Variants in DUSP16 observed in about 807,000 individuals in gnomAD.
DUSP16 encodes dual specificity phosphatase 16, also known as dual specificity protein phosphatase 16.
In DUSP16, 21 loss-of-function variants were observed where a neutral mutation model predicts 58.3. The ratio of observed to expected loss-of-function variants is 0.36; its 90% CI spans 0.26 to 0.52. The LOEUF (loss-of-function observed/expected upper bound fraction) is 0.52. Ranked by LOEUF, DUSP16 falls within the 20% of genes least tolerant of loss-of-function variation. The probability of loss-of-function intolerance (pLI) is 0.94; values close to 1 mark genes in which losing one functional copy is unlikely to be tolerated. For synonymous variants in DUSP16, 320 were observed against 323.8 expected (o/e 0.99, Z 0.12); for missense variants, 726 against 819.0 (o/e 0.89, Z 1.39).
In DUSP16 at chr12:12,519,932, A is replaced by G. The variant is rs376258770; in HGVS notation, c.297T>C (p.Ser99=). 15 of 1,613,922 alleles carry G rather than the reference A, an allele frequency of 9.3e-6. No homozygotes were observed. The African/African-American group carries it at 1.9e-4, about 20-fold the overall frequency. The change falls in exon 3 of 7, where the codon TCT becomes TCC. Residue 99 remains serine (S), a synonymous_variant. Coordinates refer to ENST00000298573, the MANE Select transcript of DUSP16 (RefSeq NM_030640.3). ...GAAGTACAGTGAGAAAACAGTCTGA[A>G]GAGAGAGAGGCAACATCTTGGGAGC... ...DQSSQDVASL[S]SDCFLTVLLG...
intron 1 of DUSP16, among the ~76,000 whole-genome samples, chr12:12,540,944 C>CTTTTTTTTTTT (rs1199026965): frequency 2.5e-4 from 25 of 100,682 alleles, no homozygotes; most frequent in African/African-American, 6.5e-4. Flanking sequence ...CTTTTCTTTT[C>CTTTTTTTTTTT]TTTTCTTTTT....
At chr12:12,561,970 A>C (rs1172873172) in intron 1 of DUSP16, 147 bp downstream of exon 1, 1 of 150,084 alleles carries the variant, frequency 6.7e-6, no homozygotes, top group Non-Finnish European at 1.5e-5. Flanking sequence ...TACGCCCGGG[A>C]AGGCAGAGAC....
intron 3 of DUSP16, among the ~76,000 whole-genome samples, chr12:12,503,585 T>C (rs1270967757): frequency 6.6e-6 from 1 of 152,090 alleles, no homozygotes; most frequent in Non-Finnish European, 1.5e-5. Context: ...CTCCTTAGTA[T>C]TCATCTGAGA....
intron 1 of DUSP16, among the ~76,000 whole-genome samples, chr12:12,522,854 G>T (rs1027996017): frequency 6.6e-6 from 1 of 152,044 alleles, no homozygotes; most frequent in Non-Finnish European, 1.5e-5. Flanking sequence ...ATGAGCCACC[G>T]CACCCAGCCT....
intron 4 of DUSP16, 131 bp from the exon 5 acceptor site, chr12:12,487,318 A>C: frequency 9.3e-7 from 1 of 1,070,538 alleles, no homozygotes; most frequent in South Asian, 1.9e-5. Context: ...AGATCAGTGA[A>C]GTCCAAAAAC....
At chr12:12,518,876 G>A (rs1269265265) in intron 3 of DUSP16, among the ~76,000 whole-genome samples, 1 of 152,206 alleles carries the variant, frequency 6.6e-6, no homozygotes. Context: ...TTAGAGAACT[G>A]AGGAAAAGCT....
At chr12:12,535,280 T>A (rs1398709638) in intron 1 of DUSP16, among the ~76,000 whole-genome samples, 1 of 152,160 alleles carries the variant, frequency 6.6e-6, no homozygotes, top group Non-Finnish European at 1.5e-5. Flanking sequence ...ACAATCTTAA[T>A]AGCAAAACAA....
intron 4 of DUSP16, 123 bp from the exon 5 acceptor site, chr12:12,487,310 A>T: frequency 8.8e-7 from 1 of 1,131,070 alleles, no homozygotes; most frequent in South Asian, 1.8e-5. Flanking sequence ...ATTCATTCAG[A>T]TCAGTGAAGT....
intron 3 of DUSP16, among the ~76,000 whole-genome samples, chr12:12,512,143 C>G (rs1318170676): frequency 2.0e-5 from 3 of 152,190 alleles, no homozygotes; most frequent in African/African-American, 7.2e-5. Flanking sequence ...TTCATGCCAA[C>G]TGAGACTCAG....
intron 1 of DUSP16, among the ~76,000 whole-genome samples, chr12:12,551,550 T>A (rs561198575): frequency 6.6e-6 from 1 of 151,090 alleles, no homozygotes; most frequent in Admixed American, 6.6e-5. Context: ...AAAACTTGAA[T>A]TCGCCACCAA....
chr12:12,531,880 C>CT (rs1566032787), intron 1 of DUSP16, among the ~76,000 whole-genome samples: 3 of 150,676 alleles, frequency 2.0e-5, no homozygotes, highest in African/African-American at 7.3e-5. Flanking sequence ...AAAACAAGGC[C>CT]GGGCGCGGTG....
intron 4 of DUSP16, among the ~76,000 whole-genome samples, chr12:12,497,816 A>C (rs1943850389): frequency 6.6e-6 from 1 of 152,098 alleles, no homozygotes; most frequent in Non-Finnish European, 1.5e-5. Flanking sequence ...TTAAAAATAC[A>C]AAAATTAGTC....
Position 12,474,386 on chromosome 12 carries a change from T to C in DUSP16, c.*2447A>G, listed in dbSNP as rs1370700951. On this transcript the variant is annotated 3_prime_UTR_variant, in exon 7 of 7. Coordinates refer to ENST00000298573, the MANE Select transcript of DUSP16 (RefSeq NM_030640.3). ...CATTTACAGTCTTTCCATCTAACTT[T>C]ACACATGTCCTAAATCATTTTCCAG... The C allele has an allele frequency of 6.6e-6, 1 of 151,112 alleles. No homozygotes were observed. The highest frequency in any genetic ancestry group is 2.1e-4 in the South Asian group (1 of 4,824). The allele number at this position is 151,112 out of a possible 1,614,324, so 9.4% of individuals were successfully genotyped here. A position where few individuals can be genotyped will look rare whatever the true frequency, so the allele number is the denominator to read the frequency against.
chr12:12,482,452 T>G (rs1461686299), intron 5 of DUSP16, among the ~76,000 whole-genome samples: 1 of 152,066 alleles, frequency 6.6e-6, no homozygotes, highest in East Asian at 1.9e-4. Flanking sequence ...AAAAAACAAG[T>G]GACTATACTG....
intron 3 of DUSP16, among the ~76,000 whole-genome samples, chr12:12,510,616 C>T (rs1170644661): frequency 6.6e-5 from 10 of 152,194 alleles, no homozygotes; most frequent in Non-Finnish European, 1.2e-4. Context: ...ATGAGTTTGA[C>T]ATAGCGCTAG....
At chr12:12,516,109 GT>G (rs5796495) in intron 3 of DUSP16, among the ~76,000 whole-genome samples, 4 of 149,336 alleles carry the variant, frequency 2.7e-5, no homozygotes, top group East Asian at 3.9e-4. Context: ...ATCCAAATTT[GT>G]TTTTTTTTTA....
intron 1 of DUSP16, among the ~76,000 whole-genome samples, chr12:12,560,046 A>T (rs1413745804): frequency 6.6e-6 from 1 of 152,196 alleles, no homozygotes; most frequent in Non-Finnish European, 1.5e-5. Flanking sequence ...TTTTATAGGT[A>T]CACACTTACA....
At chr12:12,515,882 T>C (rs1285332462) in intron 3 of DUSP16, among the ~76,000 whole-genome samples, 2 of 151,976 alleles carry the variant, frequency 1.3e-5, no homozygotes, top group Non-Finnish European at 2.9e-5. Flanking sequence ...TTCAAGCAAT[T>C]CTCCTGCCTC....
Position 12,482,268 on chromosome 12 carries a change from A to G in DUSP16, c.692-1922T>C, listed in dbSNP as rs150807303. Among the ~76,000 whole-genome samples the G allele has an allele frequency of 5.7e-3, 866 of 152,286 alleles. 4 individuals carry two copies. Among genetic ancestry groups the G allele is most frequent in the Non-Finnish European group, 8.9e-3 (608 of 68,024 alleles). ...TGATACTGGCTGATACATATTTTCA[A>G]AAGAGATTTTAATAAAAAAAGAAGA... On this transcript the variant is annotated intron_variant, in intron 5 of 6. Transcript: ENST00000298573.
Sources: allele counts gnomAD v4.1 joint callset (sites outside exome capture counted in the v4.1 genomes callset), GRCh38; gene constraint gnomAD v4.1.1; transcripts MANE v1.5; gene names NCBI Gene and HGNC (gene_info 2026-07-23, HGNC 2026-07-21).